Variants in NAV2 observed in about 807,000 individuals in gnomAD.
NAV2 encodes the protein neuron navigator 2.
A neutral mutation model predicts 223.2 loss-of-function variants in NAV2; 54 were observed. The observed-to-expected ratio is 0.24, with a 90% CI of 0.19 to 0.30. The LOEUF (loss-of-function observed/expected upper bound fraction) is 0.30. NAV2 is among the 10% of genes least tolerant of loss of function. NAV2 has a pLI of 1.00. For synonymous variants in NAV2, 1,279 were observed against 1,239.3 expected (o/e 1.03, Z -0.67); for missense variants, 2,806 against 3,147.5 (o/e 0.89, Z 2.60).
intron 3 of NAV2, 99 bp from the exon 4 acceptor site, chr11:19,868,826 C>T (rs778508183): frequency 2.3e-5 from 28 of 1,200,940 alleles, no homozygotes; most frequent in Admixed American, 3.9e-5. Context: ...GTTCATCGGC[C>T]GTTTTTACAG....
chr11:19,642,164 C>T (rs1197286735), intron 1 of NAV2, among the ~76,000 whole-genome samples: 3 of 152,200 alleles, frequency 2.0e-5, no homozygotes, highest in South Asian at 2.1e-4. Context: ...TACTTTCCCA[C>T]AGTGGCACTG....
chr11:19,361,786 G>T (rs1273194631), intron 1 of NAV2, among the ~76,000 whole-genome samples: 1 of 152,092 alleles, frequency 6.6e-6, no homozygotes, highest in Non-Finnish European at 1.5e-5. Flanking sequence ...TTTGCCTACG[G>T]TAATTGAAAA....
intron 7 of NAV2, among the ~76,000 whole-genome samples, chr11:19,936,887 C>T (rs944611191): frequency 6.6e-6 from 1 of 152,108 alleles, no homozygotes; most frequent in African/African-American, 2.4e-5. Context: ...CCTGAAATCC[C>T]AGCACTTTGG....
Position 20,044,158 on chromosome 11 carries a change from C to T in NAV2, c.3085C>T (p.Pro1029Ser), listed in dbSNP as rs1427442086. Residue 1029 changes from proline to serine, a missense_variant, in exon 13 of 38, where the codon CCT (proline) becomes TCT (serine). Pro to Ser is a moderately conservative substitution (Grantham distance 74). This residue lies in a region of NAV2 where 742 missense variants were observed against 777.9 expected (regional missense o/e 0.95). Coordinates refer to ENST00000349880, the MANE Select transcript of NAV2 (RefSeq NM_145117.5). ...CAAAAGCACGTCGGGCAAGAAGAAT[C>T]CTGTCATCTCCCAGACAGGCTCATG... ...SDKSTSGKKN[P>S]VISQTGSWRR... 6.2e-7 allele frequency: 1 copy of T among 1,614,088 alleles called. No homozygotes were observed. The highest frequency in any genetic ancestry group is 2.2e-5 in the East Asian group (1 of 44,896).
At chr11:19,960,234 G>A (rs993952094) in intron 10 of NAV2, among the ~76,000 whole-genome samples, 24 of 152,230 alleles carry the variant, frequency 1.6e-4, no homozygotes, top group Admixed American at 9.8e-4. Context: ...GGGCCCATGA[G>A]CTCACACTTA....
chr11:19,556,989 C>T (rs1157837729), intron 1 of NAV2, among the ~76,000 whole-genome samples: 1 of 152,172 alleles, frequency 6.6e-6, no homozygotes, highest in Non-Finnish European at 1.5e-5. Flanking sequence ...GAGTTTTTTA[C>T]TTCTTTCTCT....
At chr11:19,633,974 A>G (rs892350423) in intron 1 of NAV2, among the ~76,000 whole-genome samples, 1 of 152,222 alleles carries the variant, frequency 6.6e-6, no homozygotes, top group Admixed American at 6.5e-5. Context: ...GAAATAATAA[A>G]TTTAAACAGC....
chr11:19,394,933 T>C (rs1849390108), intron 1 of NAV2, among the ~76,000 whole-genome samples: 1 of 152,174 alleles, frequency 6.6e-6, no homozygotes, highest in Non-Finnish European at 1.5e-5. Flanking sequence ...GGTTAACCAG[T>C]ACATAATCCC....
rs368810777 is a variant in NAV2 at position 19,410,857 on chromosome 11, T to TTTTG, written c.75+59847_75+59850dup. 6.5e-3 allele frequency among the ~76,000 whole-genome samples: 985 copies of TTTTG among 152,174 alleles called. 11 individuals carry two copies. Among genetic ancestry groups the TTTTG allele is most frequent in the African/African-American group, 0.021 (864 of 41,480 alleles). On this transcript the variant is annotated intron_variant, in intron 1 of 37. Transcript: ENST00000360655. ...TGGGTTCCAGGATCAATTGTTTATT[T>TTTTG]TTTGTTTGTTTGTTTGTTTGCCAAT...
At chr11:19,843,041 T>A in intron 3 of NAV2, 118 bp downstream of exon 3, 1 of 787,334 alleles carries the variant, frequency 1.3e-6, no homozygotes, top group South Asian at 1.9e-5. Flanking sequence ...ATTATATTAA[T>A]AAACTCACAG....
chr11:19,778,224 G>T (rs1386690552), intron 1 of NAV2: 1 of 410,730 alleles, frequency 2.4e-6, no homozygotes, highest in Non-Finnish European at 4.8e-6. Flanking sequence ...TTGCTTTTGT[G>T]AATTGTTTTT....
chr11:19,618,193 C>A (rs10741785), intron 1 of NAV2, among the ~76,000 whole-genome samples: 152,025 of 152,348 alleles, frequency 1, 75,852 homozygotes, highest in Middle Eastern at 1. Flanking sequence ...GTAGGTCCTT[C>A]AATATTTGTT....
At chr11:19,645,254 T>G (rs1157847552) in intron 1 of NAV2, among the ~76,000 whole-genome samples, 1 of 152,204 alleles carries the variant, frequency 6.6e-6, no homozygotes, top group Non-Finnish European at 1.5e-5. Flanking sequence ...AAGGCCAGTT[T>G]GAGCCTCCCT....
At chr11:19,716,428 T>C (rs534723741) in intron 1 of NAV2, among the ~76,000 whole-genome samples, 15 of 152,342 alleles carry the variant, frequency 9.8e-5, no homozygotes, top group African/African-American at 2.6e-4. Context: ...ACGTAAAGTG[T>C]TCAGTGCAGT....
Position 19,524,971 on chromosome 11 carries a change from G to A in NAV2, c.75+173944G>A, listed in dbSNP as rs7941754. On this transcript the variant is annotated intron_variant, in intron 1 of 37. Transcript: ENST00000360655. Reference sequence around the variant, plus strand: ...ATATTTAGCAAGTTTGGAGATGTGGGGTTTTTTTCTTCCTGTTAATCCCGG... The same window carrying A: ...ATATTTAGCAAGTTTGGAGATGTGGAGTTTTTTTCTTCCTGTTAATCCCGG... Among the ~76,000 whole-genome samples, 546 of 152,234 alleles carry A rather than the reference G, an allele frequency of 3.6e-3. 2 individuals are homozygous for A. Among genetic ancestry groups the A allele is most frequent in the African/African-American group, 0.012 (515 of 41,536 alleles).
At chr11:19,821,205 T>C (rs1228847004) in intron 1 of NAV2, among the ~76,000 whole-genome samples, 1 of 141,614 alleles carries the variant, frequency 7.1e-6, no homozygotes, top group Admixed American at 7.7e-5. Flanking sequence ...GAGCTTGCAG[T>C]GAGCCGAGAT....
intron 1 of NAV2, among the ~76,000 whole-genome samples, chr11:19,526,296 C>A (rs2043840353): frequency 6.6e-6 from 1 of 152,198 alleles, no homozygotes; most frequent in East Asian, 1.9e-4. Flanking sequence ...AGAGGCCCCA[C>A]AATGTTTTCG....
intron 5 of NAV2, among the ~76,000 whole-genome samples, chr11:19,882,774 C>T (rs2063296817): frequency 6.6e-6 from 1 of 152,214 alleles, no homozygotes; most frequent in Non-Finnish European, 1.5e-5. Context: ...AAGTGTCCTG[C>T]CATCATGGCC....
chr11:19,714,261 C>T (rs1329778827), intron 1 of NAV2: 5 of 623,804 alleles, frequency 8.0e-6, no homozygotes, highest in Admixed American at 4.2e-5. Context: ...ACGTGTGCAT[C>T]GCTGGAAATG....
Sources: gnomAD v4.1 joint callset for allele counts (sites outside exome capture counted in the v4.1 genomes callset) on GRCh38, gnomAD v4.1.1 for gene constraint, gnomAD v4.1.1 regional missense constraint, MANE v1.5 for transcripts, NCBI Gene and HGNC (gene_info 2026-07-23, HGNC 2026-07-21) for gene names.